The following FBXL17 variants were observed in gnomAD, a reference collection of about 807,000 sequenced individuals.
The protein encoded by FBXL17 is F-box/LRR-repeat protein 17.
Under a neutral mutation model 66.2 loss-of-function variants are expected in FBXL17, and 22 were observed. The ratio of observed to expected loss-of-function variants is 0.33; its 90% CI spans 0.24 to 0.47. The LOEUF (loss-of-function observed/expected upper bound fraction) is 0.47. FBXL17 is among the 20% of genes least tolerant of loss of function. The pLI, the probability that FBXL17 is intolerant of heterozygous loss-of-function variation, is 1.00. For synonymous variants in FBXL17, 474 were observed against 400.5 expected, an observed-to-expected ratio of 1.18 and a Z score of -2.19; for missense variants, 878 against 948.2, an observed-to-expected ratio of 0.93 and a Z score of 0.97.
At chr5:108,079,888 A>G (rs573548862) in intron 6 of FBXL17, among the ~76,000 whole-genome samples, 1 of 152,364 alleles carries the variant, frequency 6.6e-6, no homozygotes, top group Admixed American at 6.5e-5. Context: ...CTGTGTGATT[A>G]ACTGACTTGG....
intron 6 of FBXL17, among the ~76,000 whole-genome samples, chr5:108,149,933 A>G (rs540017549): frequency 5.3e-5 from 8 of 152,298 alleles, no homozygotes; most frequent in African/African-American, 1.9e-4. Flanking sequence ...TTTCCACCTT[A>G]TATGTGGTTA....
At chr5:108,332,655 T>G (rs1323162541) in intron 4 of FBXL17, among the ~76,000 whole-genome samples, 1 of 152,172 alleles carries the variant, frequency 6.6e-6, no homozygotes, top group Non-Finnish European at 1.5e-5. Flanking sequence ...TCAACCAGGC[T>G]GGAGTGCAGC....
rs1749992923 is a variant in FBXL17, at chr5:108,381,891, C to G, written c.-200G>C. On this transcript the variant is annotated 5_prime_UTR_variant, in exon 1 of 9. It removes the in-frame stop codon of an upstream open reading frame in the 5' UTR. Coordinates refer to ENST00000542267, the MANE Select transcript of FBXL17 (RefSeq NM_001163315.3). ...GGGCCGCCGGAGTGCCCGACGGGGG[C>G]TACATGCTTTGCCCAGGGAAGCCGG... The G allele has an allele frequency of 7.8e-7, 1 of 1,286,700 alleles. No individual in the cohort carries two copies. Among genetic ancestry groups the G allele is most frequent in the South Asian group, 2.3e-5 (1 of 42,686 alleles). The allele number at this position is 1,286,700 out of a possible 1,614,324, so 79.7% of individuals were successfully genotyped here.
rs1221726981 is a variant in FBXL17 at position 108,285,776 on chromosome 5, T to C, written c.1507-61548A>G. ...GGCCTACAAACAGTGGACTTTACAA[T>C]AACCATAACATATATAATAATAATG... On this transcript the variant is annotated intron_variant, in intron 4 of 8. Transcript: ENST00000542267. Among the ~76,000 whole-genome samples the C allele has an allele frequency of 2.6e-5, 4 of 151,306 alleles. No individual in the cohort carries two copies. The East Asian group carries it at 7.7e-4, about 29-fold the overall frequency.
intron 7 of FBXL17, among the ~76,000 whole-genome samples, chr5:107,887,356 C>T (rs1466252174): frequency 6.6e-6 from 1 of 152,118 alleles, no homozygotes; most frequent in Non-Finnish European, 1.5e-5. Flanking sequence ...ACATTTCCTC[C>T]TCAATAGAAG....
intron 5 of FBXL17, among the ~76,000 whole-genome samples, chr5:108,187,721 A>T (rs1470834179): frequency 1.3e-5 from 2 of 152,338 alleles, no homozygotes; most frequent in South Asian, 2.1e-4. Flanking sequence ...AACCTGTAGG[A>T]GTGAGCAAGA....
intron 6 of FBXL17, among the ~76,000 whole-genome samples, chr5:108,048,563 A>G (rs770292326): frequency 6.6e-6 from 1 of 152,230 alleles, no homozygotes; most frequent in Non-Finnish European, 1.5e-5. Context: ...ACCTTGATAG[A>G]AGGTTAGAGG....
At chr5:108,162,737 A>G (rs973285772) in intron 6 of FBXL17, among the ~76,000 whole-genome samples, 3 of 152,178 alleles carry the variant, frequency 2.0e-5, no homozygotes, top group Non-Finnish European at 4.4e-5. Flanking sequence ...TCATTTGAAA[A>G]CTGGGCACAA....
chr5:108,164,384 T>C (rs1265268474), intron 6 of FBXL17, among the ~76,000 whole-genome samples: 2 of 152,198 alleles, frequency 1.3e-5, no homozygotes, highest in African/African-American at 4.8e-5. Flanking sequence ...ATATCACTCA[T>C]TTGGTAATTA....
At chr5:108,035,904 C>T (rs1450781635) in intron 6 of FBXL17, among the ~76,000 whole-genome samples, 1 of 152,112 alleles carries the variant, frequency 6.6e-6, no homozygotes, top group Non-Finnish European at 1.5e-5. Flanking sequence ...GTTCCTTTTC[C>T]CTCTAGTTTT....
At chr5:108,145,660 G>A (rs1007602850) in intron 6 of FBXL17, among the ~76,000 whole-genome samples, 1 of 152,068 alleles carries the variant, frequency 6.6e-6, no homozygotes, top group Non-Finnish European at 1.5e-5. Context: ...TGACTTATCA[G>A]ATAGTGAGAA....
chr5:108,309,857 A>T (rs1156339077), intron 4 of FBXL17, among the ~76,000 whole-genome samples: 1 of 152,096 alleles, frequency 6.6e-6, no homozygotes, highest in African/African-American at 2.4e-5. Flanking sequence ...AATTCGAAAA[A>T]GTAAAACAAA....
At chr5:108,025,993 G>C (rs1170857458) in intron 6 of FBXL17, among the ~76,000 whole-genome samples, 1 of 152,146 alleles carries the variant, frequency 6.6e-6, no homozygotes, top group Non-Finnish European at 1.5e-5. Flanking sequence ...TCCCAGTGCA[G>C]TAAACGAATG....
chr5:108,343,558 T>C (rs1299652580), intron 4 of FBXL17, among the ~76,000 whole-genome samples: 4 of 152,216 alleles, frequency 2.6e-5, no homozygotes, highest in South Asian at 2.1e-4. Flanking sequence ...CTCCTTAATA[T>C]ATTAACTCAT....
At chr5:107,989,669 T>G (rs548636427) in intron 7 of FBXL17, among the ~76,000 whole-genome samples, 1 of 152,282 alleles carries the variant, frequency 6.6e-6, no homozygotes, top group Non-Finnish European at 1.5e-5. Context: ...GTGGGACTGC[T>G]GGATCATATG....
chr5:108,220,757 C>T (rs907080837), intron 5 of FBXL17, among the ~76,000 whole-genome samples: 5 of 152,096 alleles, frequency 3.3e-5, no homozygotes, highest in African/African-American at 1.2e-4. Context: ...ACATGCAGGT[C>T]CCACAGTCTA....
intron 3 of FBXL17, among the ~76,000 whole-genome samples, chr5:108,349,521 C>T (rs902516712): frequency 6.6e-6 from 1 of 152,040 alleles, no homozygotes; most frequent in Non-Finnish European, 1.5e-5. Context: ...TAGATATAAA[C>T]TATATTATTA....
Position 108,381,424 on chromosome 5 carries a change from C to T in FBXL17, c.268G>A (p.Ala90Thr). The part of the protein sequence containing the change: ...PPLSPPPRDG[A>T]YAAASSSQHL... ...TGAGAGGAGGAGGCGGCAGCGTAGG[C>T]CCCGTCCCGCGGCGGCGGCGAGAGC... is the stretch of plus-strand genomic sequence containing the variant. Residue 90 changes from alanine (A) to threonine (T), a missense_variant, in exon 1 of 9, where the codon GCC becomes ACC. Physicochemically the swap from Ala to Thr is moderately conservative, Grantham distance 58. This residue lies in a region of FBXL17 where 605 missense variants were observed against 509.5 expected (regional missense o/e 1.19). Transcript: ENST00000542267. 19 of 1,318,352 alleles carry T rather than the reference C, an allele frequency of 1.4e-5. No homozygotes were observed. The highest frequency in any genetic ancestry group is 1.6e-5 in the Non-Finnish European group (17 of 1,041,952). The allele number at this position is 1,318,352 out of a possible 1,614,324, so 81.7% of individuals were successfully genotyped here. A position where few individuals can be genotyped will look rare whatever the true frequency, so the allele number is the denominator to read the frequency against.
At chr5:108,117,414 GAA>G (rs1219349612) in intron 6 of FBXL17, among the ~76,000 whole-genome samples, 1 of 152,048 alleles carries the variant, frequency 6.6e-6, no homozygotes, top group Non-Finnish European at 1.5e-5. Flanking sequence ...AGGAACAAAT[GAA>G]AAAGAGTGTT....
Sources: allele counts gnomAD v4.1 joint callset (sites outside exome capture counted in the v4.1 genomes callset), GRCh38; gene constraint gnomAD v4.1.1; regional missense constraint gnomAD v4.1.1; transcripts MANE v1.5; gene names NCBI Gene and HGNC (gene_info 2026-07-23, HGNC 2026-07-21).